The following EVC variants were observed in gnomAD, a reference collection of about 807,000 sequenced individuals.
The protein encoded by EVC is evC complex member EVC.
EVC carries 116 observed loss-of-function variants against 118.9 expected under a neutral mutation model. That is an observed-to-expected ratio of 0.98 (90% confidence interval 0.84 to 1.14). The LOEUF is 1.14. EVC is among the 50% of genes most tolerant of loss of function. EVC has a pLI of 0.00. For synonymous variants in EVC, 619 were observed against 534.7 expected (o/e 1.16, Z -2.18); for missense variants, 1,401 against 1,246.4 (o/e 1.12, Z -1.87).
At chr4:5,815,413 A>T (rs1717516586), downstream of EVC, among the ~76,000 whole-genome samples, 1 of 152,116 alleles carries the variant, frequency 6.6e-6, no homozygotes, top group African/African-American at 2.4e-5. Context: ...GAGAGTGATG[A>T]CCCCACAAAC....
rs2152060462 is a variant in EVC at position 5,749,795 on chromosome 4, A to G, written c.1098+1489A>G. Among the ~76,000 whole-genome samples the G allele has an allele frequency of 6.6e-6, 1 of 152,208 alleles. No homozygotes were observed. The highest frequency in any genetic ancestry group is 1.9e-4 in the East Asian group (1 of 5,164). Reference sequence around the variant, plus strand: ...GCCACCCTGCCCTCAGCACAGACTCAGCTCCTCAGACCCGTGGGAAAGCCA... The same window carrying G: ...GCCACCCTGCCCTCAGCACAGACTCGGCTCCTCAGACCCGTGGGAAAGCCA... On this transcript the variant is annotated intron_variant, in intron 8 of 20. Coordinates refer to ENST00000264956, the MANE Select transcript of EVC (RefSeq NM_153717.3). This position sits in a 1 kb window ranked among gnomAD's most constrained non-coding sequence, Gnocchi z 4.4.
intron 6 of EVC, 40 bp downstream of exon 6, chr4:5,741,854 GT>G: frequency 1.8e-6 from 2 of 1,120,896 alleles, no homozygotes; most frequent in Non-Finnish European, 2.7e-6. Flanking sequence ...CTTAAAAATA[GT>G]TTATTATAAT....
intron 2 of EVC, among the ~76,000 whole-genome samples, chr4:5,725,518 T>C (rs916706444): frequency 6.6e-6 from 1 of 152,232 alleles, no homozygotes; most frequent in African/African-American, 2.4e-5. Flanking sequence ...CACGTGAATG[T>C]TTTCTTTTGA....
chr4:5,780,147 T>C (rs1005139438), intron 11 of EVC, among the ~76,000 whole-genome samples: 8 of 152,228 alleles, frequency 5.3e-5, no homozygotes, highest in African/African-American at 1.9e-4. Context: ...ATTACATTTA[T>C]TGATTTGCGT....
chr4:5,739,031 A>G (rs1202092402), intron 5 of EVC, among the ~76,000 whole-genome samples: 1 of 152,204 alleles, frequency 6.6e-6, no homozygotes, highest in African/African-American at 2.4e-5. Context: ...TAGAAAACCA[A>G]AAAATGTGTG....
chr4:5,722,217 G>A (rs1386160334), intron 2 of EVC, among the ~76,000 whole-genome samples: 3 of 152,174 alleles, frequency 2.0e-5, no homozygotes, highest in Non-Finnish European at 2.9e-5. Context: ...GCGTGTGAAC[G>A]TTCCTGCCAC....
chr4:5,797,315 A>C, intron 14 of EVC, 83 bp downstream of exon 14: 1 of 1,177,892 alleles, frequency 8.5e-7, no homozygotes, highest in Non-Finnish European at 1.2e-6. Context: ...GTTTGCCAGA[A>C]CCCGAATCCT....
chr4:5,752,179 C>T (rs907437585), intron 8 of EVC, among the ~76,000 whole-genome samples: 1 of 152,064 alleles, frequency 6.6e-6, no homozygotes, highest in African/African-American at 2.4e-5. Context: ...TGCCAACGTC[C>T]GCCGTCCGCT....
chr4:5,745,087 ATTG>A, intron 6 of EVC, 114 bp from the exon 7 acceptor site: 1 of 1,028,454 alleles, frequency 9.7e-7, no homozygotes, highest in Non-Finnish European at 1.4e-6. Context: ...GCATTTAACT[ATTG>A]TTTAAAAATA....
intron 11 of EVC, among the ~76,000 whole-genome samples, chr4:5,782,447 G>T (rs1360466630): frequency 1.6e-5 from 2 of 122,706 alleles, no homozygotes; most frequent in Non-Finnish European, 3.2e-5. Context: ...AGGCTGGAGT[G>T]CAGTGGCGCA....
chr4:5,752,364 A>G (rs758381871), intron 8 of EVC, among the ~76,000 whole-genome samples: 8 of 151,952 alleles, frequency 5.3e-5, no homozygotes, highest in African/African-American at 9.7e-5. Context: ...TTGGAAGCCA[A>G]TCATTCCCCT....
chr4:5,793,173 G>A (rs530965689), intron 12 of EVC, among the ~76,000 whole-genome samples: 15 of 152,102 alleles, frequency 9.9e-5, no homozygotes, highest in African/African-American at 2.4e-4. Flanking sequence ...GTATTGGTGC[G>A]GAAATAAACA....
At chr4:5,761,720 G>C (rs1732051518) in intron 11 of EVC, among the ~76,000 whole-genome samples, 1 of 151,796 alleles carries the variant, frequency 6.6e-6, no homozygotes, top group Non-Finnish European at 1.5e-5. Context: ...TGAAAGGGCG[G>C]GTTTCTGTTT....
intron 11 of EVC, among the ~76,000 whole-genome samples, chr4:5,766,066 G>A (rs6820634): frequency 0.3 from 34,079 of 112,144 alleles, 5,570 homozygotes; most frequent in East Asian, 0.37. Flanking sequence ...CATGTTTAGC[G>A]CTTCCTTCAG....
rs1724470393 is a variant in EVC at position 5,719,023 on chromosome 4, A to T, written c.175-225A>T. On this transcript the variant is annotated intron_variant, in intron 1 of 20. Coordinates refer to ENST00000264956, the MANE Select transcript of EVC (RefSeq NM_153717.3). This position sits in a 1 kb window ranked among gnomAD's most constrained non-coding sequence, Gnocchi z 4.7. ...TGGGGCATCCTGGAGGCCTTAGGGG[A>T]ACCGCTCAGGAAGGTGACCTGTGCA... Among the ~76,000 whole-genome samples, 2 of 152,090 alleles carry T rather than the reference A, an allele frequency of 1.3e-5. No individual in the cohort carries two copies. The highest frequency in any genetic ancestry group is 4.1e-4 in the South Asian group (2 of 4,820).
At chr4:5,762,321 T>G (rs1467967477) in intron 11 of EVC, among the ~76,000 whole-genome samples, 1 of 138,816 alleles carries the variant, frequency 7.2e-6, no homozygotes, top group Non-Finnish European at 1.6e-5. Flanking sequence ...TTTGGGTTGG[T>G]TCCAAGTCTT....
chr4:5,765,233 T>C lies in EVC; in HGVS notation c.1563+8871T>C, dbSNP rs1282872825. ...CGGTTTTGAGTGAGACTCTTAATCC[T>C]GAGTTCTAGTTTGATTGCACTGTGG... On this transcript the variant is annotated intron_variant, in intron 11 of 20. Transcript: ENST00000264956. Among the ~76,000 whole-genome samples, 9 of 118,438 alleles carry C rather than the reference T, an allele frequency of 7.6e-5. 3 individuals are homozygous for C. The highest frequency in any genetic ancestry group is 1.6e-4 in the Non-Finnish European group (9 of 54,676). The allele number at this position is 118,438 out of a possible 152,430, so 77.7% of individuals were successfully genotyped here.
At chr4:5,782,405 T>C (rs1378077925) in intron 11 of EVC, among the ~76,000 whole-genome samples, 1 of 143,900 alleles carries the variant, frequency 6.9e-6, no homozygotes, top group Non-Finnish European at 1.5e-5. Context: ...TTTTTTTTTT[T>C]TTTTTTTTGA....
chr4:5,715,377 C>T (rs1374086035), intron 1 of EVC, among the ~76,000 whole-genome samples: 2 of 152,124 alleles, frequency 1.3e-5, no homozygotes, highest in Non-Finnish European at 2.9e-5. Flanking sequence ...TGGGCTCTAC[C>T]CCAGACTCAC....
Sources: gnomAD v4.1 joint callset for allele counts (sites outside exome capture counted in the v4.1 genomes callset) on GRCh38, gnomAD v4.1.1 for gene constraint, Gnocchi (gnomAD v3.1) non-coding constraint, MANE v1.5 for transcripts, NCBI Gene and HGNC (gene_info 2026-07-23, HGNC 2026-07-21) for gene names.